ENOX2: variants seen among roughly 807,000 people sequenced by gnomAD.
The protein encoded by ENOX2 is APK1 antigen.
A neutral mutation model predicts 45.0 loss-of-function variants in ENOX2; 36 were observed. That is an observed-to-expected ratio of 0.80 (90% CI 0.61 to 1.06). The LOEUF (loss-of-function observed/expected upper bound fraction) is 1.06, where lower values mean the gene tolerates loss of function less well. Ranked by LOEUF, ENOX2 falls within the 50% of genes least tolerant of loss-of-function variation. The pLI is 0.00. For synonymous variants in ENOX2, 174 were observed against 152.3 expected (o/e 1.14, Z -1.05); for missense variants, 423 against 462.5 (o/e 0.91, Z 0.78).
At chrX:130,858,736 C>T (rs1012619028) in intron 2 of ENOX2, among the ~76,000 whole-genome samples, 1 of 111,641 alleles carries the variant, frequency 9.0e-6, no homozygotes, top group Non-Finnish European at 1.9e-5. Context: ...ATCAAACCCA[C>T]ACCATATTGT....
chrX:130,627,558 G>C (rs747055724), intron 14 of ENOX2, among the ~76,000 whole-genome samples: 9 of 111,536 alleles, frequency 8.1e-5, no homozygotes, highest in African/African-American at 2.9e-4. Context: ...TCCAGCCTGG[G>C]CAACAGAGTG....
intron 2 of ENOX2, among the ~76,000 whole-genome samples, chrX:130,882,390 G>A (rs747261490): frequency 1.8e-5 from 2 of 108,996 alleles, no homozygotes; most frequent in Non-Finnish European, 3.8e-5. Context: ...GGAGTGATAG[G>A]ATAAGATCTG....
intron 3 of ENOX2, among the ~76,000 whole-genome samples, chrX:130,780,781 T>C (rs1054499919): frequency 1.2e-4 from 13 of 110,857 alleles, no homozygotes; most frequent in Admixed American, 1.9e-4. Flanking sequence ...GGAAAAAAGA[T>C]TGTGTAGTGT....
At chrX:130,824,009 T>A (rs2077668756) in intron 2 of ENOX2, among the ~76,000 whole-genome samples, 1 of 112,106 alleles carries the variant, frequency 8.9e-6, no homozygotes, top group Admixed American at 9.5e-5. Context: ...CATAAAACTA[T>A]TAGAGCTGGA....
At chrX:130,733,814 T>C (rs1363426905) in intron 3 of ENOX2, among the ~76,000 whole-genome samples, 1 of 111,906 alleles carries the variant, frequency 8.9e-6, no homozygotes. Flanking sequence ...AGAAACGGAA[T>C]TGTTCTGCGT....
intron 13 of ENOX2, among the ~76,000 whole-genome samples, chrX:130,630,677 C>G (rs186236088): frequency 3.6e-5 from 4 of 111,433 alleles, no homozygotes; most frequent in Admixed American, 2.9e-4. Flanking sequence ...TTCTGTGAGC[C>G]ATTCTAGCAA....
chrX:130,625,588 G>T, intron 14 of ENOX2, 143 bp from the exon 15 acceptor site: 1 of 555,545 alleles, frequency 1.8e-6, no homozygotes, highest in Non-Finnish European at 2.7e-6. Flanking sequence ...TTGCGCATTT[G>T]TGTGTGTTGG....
chrX:130,696,642 G>A (rs1272695439), intron 4 of ENOX2, among the ~76,000 whole-genome samples: 2 of 111,530 alleles, frequency 1.8e-5, no homozygotes, highest in African/African-American at 6.5e-5. Flanking sequence ...AACGGGTCCT[G>A]GCCTACACAC....
At chrX:130,833,840 G>A (rs769972338) in intron 2 of ENOX2, among the ~76,000 whole-genome samples, 1 of 111,374 alleles carries the variant, frequency 9.0e-6, no homozygotes, top group African/African-American at 3.3e-5. Context: ...ATTAGAGGCA[G>A]TTCAGGGAAA....
intron 5 of ENOX2, among the ~76,000 whole-genome samples, chrX:130,687,847 C>T (rs756163417): frequency 6.2e-5 from 7 of 112,073 alleles, no homozygotes; most frequent in Non-Finnish European, 1.3e-4. Flanking sequence ...CAGTTATGAG[C>T]AGACCATACT....
chrX:130,709,590 A>G (rs1402318391), intron 3 of ENOX2, among the ~76,000 whole-genome samples: 1 of 100,827 alleles, frequency 9.9e-6, no homozygotes, highest in Non-Finnish European at 2.0e-5. Flanking sequence ...GTGAGCCGAG[A>G]TCACACCACT....
intron 3 of ENOX2, among the ~76,000 whole-genome samples, chrX:130,722,549 T>C (rs766011936): frequency 8.9e-6 from 1 of 112,270 alleles, no homozygotes; most frequent in Non-Finnish European, 1.9e-5. Flanking sequence ...TCTTGAAATC[T>C]GTCTTGAATA....
chrX:130,648,211 C>G (rs1285479114), intron 10 of ENOX2, among the ~76,000 whole-genome samples: 1 of 111,074 alleles, frequency 9.0e-6, no homozygotes, highest in East Asian at 2.8e-4. Context: ...AATCCCAGCA[C>G]TTTGGGAGGC....
chrX:130,853,758 C>G (rs1471085894), intron 2 of ENOX2, among the ~76,000 whole-genome samples: 1 of 110,562 alleles, frequency 9.0e-6, no homozygotes. Context: ...TCAAGTGCTC[C>G]TCTCTATCAA....
chrX:130,664,669 T>C (rs2036785064), intron 9 of ENOX2, among the ~76,000 whole-genome samples: 1 of 112,494 alleles, frequency 8.9e-6, no homozygotes, highest in Non-Finnish European at 1.9e-5. Flanking sequence ...ACTTGCTCAG[T>C]CACACAGCAC....
At chrX:130,826,921 G>C (rs1458277700) in intron 2 of ENOX2, among the ~76,000 whole-genome samples, 1 of 111,725 alleles carries the variant, frequency 9.0e-6, no homozygotes, top group African/African-American at 3.3e-5. Flanking sequence ...CCTGTGTGTT[G>C]ATGGACACAA....
At chrX:130,681,783 G>A (rs1404547189) in intron 5 of ENOX2, among the ~76,000 whole-genome samples, 3 of 111,795 alleles carry the variant, frequency 2.7e-5, no homozygotes, top group East Asian at 5.6e-4. Flanking sequence ...TCATTGTAGC[G>A]TTATTATTAT....
intron 2 of ENOX2, among the ~76,000 whole-genome samples, chrX:130,897,218 G>T (rs1249031073): frequency 8.9e-6 from 1 of 112,146 alleles, no homozygotes; most frequent in Admixed American, 9.4e-5. Context: ...AGCAACTGGA[G>T]CTATTCCATC....
chrX:130,730,177 G>A (rs955704146), intron 3 of ENOX2, among the ~76,000 whole-genome samples: 1 of 112,257 alleles, frequency 8.9e-6, no homozygotes, highest in African/African-American at 3.2e-5. Flanking sequence ...TATATACACA[G>A]AGGGATCATA....
Sources: allele counts gnomAD v4.1 joint callset (sites outside exome capture counted in the v4.1 genomes callset), GRCh38; gene constraint gnomAD v4.1.1; transcripts MANE v1.5; gene names NCBI Gene and HGNC (gene_info 2026-07-23, HGNC 2026-07-21).